DPP10: variants seen among roughly 807,000 people sequenced by gnomAD.
DPP10 encodes dipeptidyl peptidase like 10.
Under a neutral mutation model 120.9 loss-of-function variants are expected in DPP10, and 33 were observed. The observed-to-expected ratio is 0.27, with a 90% CI of 0.21 to 0.37. The LOEUF (loss-of-function observed/expected upper bound fraction) is 0.37, where lower values mean the gene tolerates loss of function less well. Ranked by LOEUF, DPP10 falls within the 10% of genes least tolerant of loss-of-function variation. The pLI is 1.00. For synonymous variants in DPP10, 337 were observed against 326.1 expected (o/e 1.03, Z -0.36); for missense variants, 816 against 942.8 (o/e 0.87, Z 1.76).
At chr2:114,536,408 C>CTTTTTTTTTTTTTTTTT (rs70937287) in intron 1 of DPP10, among the ~76,000 whole-genome samples, 5 of 128,728 alleles carry the variant, frequency 3.9e-5, no homozygotes, top group Non-Finnish European at 6.4e-5. Context: ...TTTTCTTTTT[C>CTTTTTTTTTTTTTTTTT]TTTTTTTTTT....
At chr2:115,537,977 G>C (rs2078959972) in intron 5 of DPP10, among the ~76,000 whole-genome samples, 1 of 151,982 alleles carries the variant, frequency 6.6e-6, no homozygotes, top group African/African-American at 2.4e-5. Flanking sequence ...GTCGTCATGA[G>C]AGGGCTTAAG....
chr2:115,464,405 CA>C (rs56750262), intron 3 of DPP10, among the ~76,000 whole-genome samples: 2 of 149,280 alleles, frequency 1.3e-5, no homozygotes, highest in African/African-American at 4.9e-5. Context: ...GTTCTGCAGC[CA>C]AAAAAAAACA....
intron 1 of DPP10, among the ~76,000 whole-genome samples, chr2:114,740,847 ATG>A (rs1178065347): frequency 2.6e-5 from 4 of 152,140 alleles, no homozygotes. Context: ...CATTTTCTTC[ATG>A]GGATAGTTTC....
At chr2:115,342,096 G>A (rs1027583345) in intron 2 of DPP10, 1 of 450,900 alleles carries the variant, frequency 2.2e-6, no homozygotes, top group Non-Finnish European at 4.5e-6. Context: ...TTATGTTTAA[G>A]TGAGGCCTTC....
At chr2:114,650,256 A>T (rs1696480350) in intron 1 of DPP10, among the ~76,000 whole-genome samples, 1 of 152,182 alleles carries the variant, frequency 6.6e-6, no homozygotes, top group South Asian at 2.1e-4. Flanking sequence ...ATGTGGTGTC[A>T]GAACTATAGA....
chr2:114,953,666 C>A (rs34232809), intron 1 of DPP10, among the ~76,000 whole-genome samples: 35,865 of 151,914 alleles, frequency 0.24, 4,297 homozygotes, highest in East Asian at 0.35. Context: ...TGAATTTTAT[C>A]TAAAGTTAGG....
At chr2:115,370,376 A>G (rs958699783) in intron 3 of DPP10, among the ~76,000 whole-genome samples, 1 of 152,086 alleles carries the variant, frequency 6.6e-6, no homozygotes, top group Non-Finnish European at 1.5e-5. Context: ...GAATCCATGA[A>G]GAATTGACAG....
chr2:114,448,379 T>G (rs1489746267), intron 1 of DPP10, among the ~76,000 whole-genome samples: 3 of 152,196 alleles, frequency 2.0e-5, no homozygotes, highest in African/African-American at 7.2e-5. Flanking sequence ...GTGAAGACAT[T>G]CTTGATGGTA....
chr2:114,738,727 T>G (rs1030798350), intron 1 of DPP10, among the ~76,000 whole-genome samples: 1 of 152,154 alleles, frequency 6.6e-6, no homozygotes, highest in African/African-American at 2.4e-5. Context: ...AGGAGAATAG[T>G]AACTTCCCAC....
intron 1 of DPP10, among the ~76,000 whole-genome samples, chr2:115,055,043 T>C (rs1005111832): frequency 4.6e-5 from 7 of 152,198 alleles, no homozygotes; most frequent in African/African-American, 1.7e-4. Context: ...TCCTTTTGAA[T>C]TGCCCACTCT....
intron 1 of DPP10, among the ~76,000 whole-genome samples, chr2:115,108,039 T>C (rs1466599986): frequency 6.6e-6 from 1 of 152,208 alleles, no homozygotes; most frequent in Non-Finnish European, 1.5e-5. Context: ...TCACCCAGAA[T>C]ACCAGTGATT....
intron 1 of DPP10, among the ~76,000 whole-genome samples, chr2:114,993,395 A>G (rs1302278272): frequency 6.6e-6 from 1 of 151,650 alleles, no homozygotes; most frequent in African/African-American, 2.4e-5. Context: ...ATGAATGAAT[A>G]AATTAGTCAT....
chr2:115,418,806 T>A (rs1194705079), intron 3 of DPP10, among the ~76,000 whole-genome samples: 7 of 151,832 alleles, frequency 4.6e-5, no homozygotes, highest in African/African-American at 7.3e-5. Flanking sequence ...TTAATTAATT[T>A]AAAAAACTAA....
At chr2:114,494,414 T>C (rs902916859) in intron 1 of DPP10, among the ~76,000 whole-genome samples, 3 of 152,112 alleles carry the variant, frequency 2.0e-5, no homozygotes, top group African/African-American at 7.2e-5. Flanking sequence ...TTGAGCTGGA[T>C]ATTAAAGAGA....
chr2:114,498,212 C>A (rs893672868), intron 1 of DPP10, among the ~76,000 whole-genome samples: 3 of 152,140 alleles, frequency 2.0e-5, no homozygotes, highest in Non-Finnish European at 4.4e-5. Flanking sequence ...AAATGTGCAA[C>A]ACATTGCTGA....
intron 1 of DPP10, among the ~76,000 whole-genome samples, chr2:114,625,470 A>T (rs567068001): frequency 6.6e-6 from 1 of 152,102 alleles, no homozygotes; most frequent in Admixed American, 6.6e-5. Context: ...GACTGACAAA[A>T]AAGCAATATT....
chr2:115,632,009 G>A (rs1344521181), intron 5 of DPP10, among the ~76,000 whole-genome samples: 1 of 152,054 alleles, frequency 6.6e-6, no homozygotes, highest in Non-Finnish European at 1.5e-5. Context: ...TTGACAGTGG[G>A]GTGTTGAAGT....
At chr2:115,416,459 A>T (rs947571755) in intron 3 of DPP10, among the ~76,000 whole-genome samples, 7 of 152,154 alleles carry the variant, frequency 4.6e-5, no homozygotes, top group Non-Finnish European at 8.8e-5. Context: ...AGCAATATTG[A>T]CAGCATGACT....
At chr2:115,610,231 C>G (rs561679565) in intron 5 of DPP10, among the ~76,000 whole-genome samples, 20 of 152,170 alleles carry the variant, frequency 1.3e-4, no homozygotes, top group East Asian at 1.9e-4. Context: ...CCCTCACCCC[C>G]CCATGGACCT....
Sources: allele counts gnomAD v4.1 joint callset (sites outside exome capture counted in the v4.1 genomes callset), GRCh38; gene constraint gnomAD v4.1.1; transcripts MANE v1.5; gene names NCBI Gene and HGNC (gene_info 2026-07-23, HGNC 2026-07-21).